The following DELE1 variants were observed in gnomAD, a reference collection of about 807,000 sequenced individuals.
DELE1 encodes the protein DAP3 binding cell death enhancer 1, also known as death ligand signal enhancer.
DELE1 carries 54 observed loss-of-function variants against 59.3 expected under a neutral mutation model. That is an observed-to-expected ratio of 0.91 (90% confidence interval 0.73 to 1.14). The LOEUF (loss-of-function observed/expected upper bound fraction) is 1.14. DELE1 is among the 50% of genes most tolerant of loss of function. The probability of loss-of-function intolerance (pLI) is 0.00; values close to 1 mark genes in which losing one functional copy is unlikely to be tolerated. For missense variants in DELE1, 636 were observed against 643.9 expected, an observed-to-expected ratio of 0.99 and a Z score of 0.13; for synonymous variants, 264 against 259.1, an observed-to-expected ratio of 1.02 and a Z score of -0.18.
At chr5:141,928,607 T>A (rs1385430652) in intron 4 of DELE1, among the ~76,000 whole-genome samples, 1 of 152,218 alleles carries the variant, frequency 6.6e-6, no homozygotes, top group Non-Finnish European at 1.5e-5. Context: ...GGTCAGTCAC[T>A]CAGTCATTCA....
At position 141,934,289 on chromosome 5, in the gene DELE1, A is replaced by T. The variant is rs533005377; in HGVS notation, c.947A>T (p.Gln316Leu). 10 of 1,614,044 alleles carry T rather than the reference A, an allele frequency of 6.2e-6. No individual in the cohort carries two copies. In the African/African-American group the frequency reaches 1.3e-4, roughly 21 times the overall value. Residue 316 changes from glutamine to leucine, a missense_variant, in exon 9 of 12, where the codon CAG becomes CTG. Physicochemically the swap from Gln to Leu is moderately radical, Grantham distance 113. Transcript: ENST00000432126. ...GCCAGCCAGGGCCACAGCCTGGCTCAGTACCGCTATGCCAGGTGCCTACTA... is the reference window on the plus strand; with the variant it reads ...GCCAGCCAGGGCCACAGCCTGGCTCTGTACCGCTATGCCAGGTGCCTACTA... ...LAASQGHSLAQYRYARCLLRD... is the reference protein window; with the variant it reads ...LAASQGHSLALYRYARCLLRD...
chr5:141,934,601 T>C lies in DELE1; in HGVS notation c.1149+15T>C. On this transcript the variant is annotated intron_variant, in intron 10 of 11. Transcript: ENST00000432126. ...CCAACAATGGGGTATGCGATCTCAG[T>C]GGACAAGCATGTTGGGGATGAAGCC... is the stretch of plus-strand genomic sequence containing the variant. 6.2e-7 allele frequency: 1 copy of C among 1,609,584 alleles called. No homozygotes were observed. Among genetic ancestry groups the C allele is most frequent in the South Asian group, 1.1e-5 (1 of 91,010 alleles).
At chr5:141,927,440 T>A (rs1454961452) in intron 3 of DELE1, among the ~76,000 whole-genome samples, 1 of 152,224 alleles carries the variant, frequency 6.6e-6, no homozygotes, top group African/African-American at 2.4e-5. Context: ...GTGATCCACC[T>A]GCCTCAGCCT....
Position 141,934,221 on chromosome 5 carries a change from G to T in DELE1, c.898-19G>T, listed in dbSNP as rs1251795058. On this transcript the variant is annotated intron_variant, in intron 8 of 11. Coordinates refer to ENST00000432126, the MANE Select transcript of DELE1 (RefSeq NM_014773.5). ...TTACAGAGTTGCCAGCCGACTGGGT[G>T]TTTCTCCCTTTGCCCCAGGCGGTCC... The T allele has an allele frequency of 6.3e-7, 1 of 1,585,758 alleles. No homozygotes were observed. Among genetic ancestry groups the T allele is most frequent in the Non-Finnish European group, 8.6e-7 (1 of 1,161,268 alleles).
intron 7 of DELE1, among the ~76,000 whole-genome samples, chr5:141,930,545 G>C (rs151142484): frequency 6.6e-6 from 1 of 152,328 alleles, no homozygotes; most frequent in East Asian, 1.9e-4. Context: ...GCAAGGTAGG[G>C]AAGCTAAAGG....
At chr5:141,924,476 TA>T in intron 1 of DELE1, 104 bp from the exon 2 acceptor site, 1 of 730,256 alleles carries the variant, frequency 1.4e-6, no homozygotes, top group Non-Finnish European at 2.5e-6. Context: ...CTGTAGTAGA[TA>T]AAAGATTCCC....
chr5:141,932,545 T>C (rs978902943), intron 7 of DELE1, among the ~76,000 whole-genome samples: 1 of 152,326 alleles, frequency 6.6e-6, no homozygotes, highest in Non-Finnish European at 1.5e-5. Context: ...GCTGATAGTA[T>C]CTTCAGAGTG....
At position 141,941,881 on chromosome 5, in the gene DELE1, A is replaced by AC; in HGVS notation, c.*3123dup. 1 of 985,328 alleles carries AC rather than the reference A, an allele frequency of 1.0e-6. No homozygotes were observed. The highest frequency in any genetic ancestry group is 1.2e-6 in the Non-Finnish European group (1 of 829,878). 61.0% of individuals were successfully genotyped at this position (985,328 alleles called of 1,614,324 possible). A position where few individuals can be genotyped will look rare whatever the true frequency, so the allele number is the denominator to read the frequency against. ...CAAGCCTACCCAGCACATAGTAGGT[A>AC]CTTTAAGTAATTTGAATGAATAATT... On this transcript the variant is annotated 3_prime_UTR_variant, in exon 12 of 12. Coordinates refer to ENST00000432126, the MANE Select transcript of DELE1 (RefSeq NM_014773.5).
Position 141,929,732 on chromosome 5 carries a change from C to A in DELE1, c.563C>A (p.Ser188Tyr), listed in dbSNP as rs1392687313. The change falls in exon 5 of 12, where the codon TCT (serine) becomes TAT (tyrosine). Residue 188 changes from serine (S) to tyrosine (Y), a missense_variant. Coordinates refer to ENST00000432126, the MANE Select transcript of DELE1 (RefSeq NM_014773.5). ...AGAGGAGCTCGTCCTCAGGACCCCT[C>A]TGAGGAAGGTATGTCCCTGCCTCAT... ...SLRGARPQDP[S>Y]EEGPGDFGFL... 1 of 1,614,182 alleles carries A rather than the reference C, an allele frequency of 6.2e-7. No homozygotes were observed. The highest frequency in any genetic ancestry group is 1.1e-5 in the South Asian group (1 of 91,084).
At chr5:141,933,720 G>T in intron 8 of DELE1, 1 of 168,238 alleles carries the variant, frequency 5.9e-6, no homozygotes, top group East Asian at 1.6e-4. Context: ...ATTTCGTAGA[G>T]TTGTATGTGA....
At position 141,938,385 on chromosome 5, in the gene DELE1, C is replaced by T. The variant is rs1288086581; in HGVS notation, c.1310-136C>T. The T allele has an allele frequency of 9.6e-6, 13 of 1,348,432 alleles. No homozygotes were observed. The East Asian group carries it at 2.8e-4, about 29-fold the overall frequency. The allele number at this position is 1,348,432 out of a possible 1,614,324, so 83.5% of individuals were successfully genotyped here. A position where few individuals can be genotyped will look rare whatever the true frequency, so the allele number is the denominator to read the frequency against. ...ATTACCCTTCTAGGGCTCTAAGAGC[C>T]CTGCTCACTCATGAGTCACTGGGGT... On this transcript the variant is annotated intron_variant, in intron 11 of 11. Coordinates refer to ENST00000432126, the MANE Select transcript of DELE1 (RefSeq NM_014773.5).
intron 10 of DELE1, chr5:141,934,881 G>A (rs1045542882): frequency 4.1e-5 from 17 of 413,694 alleles, no homozygotes; most frequent in South Asian, 1.5e-4. Context: ...TTCCCTCCTC[G>A]AGAGCCAGTT....
Position 141,934,415 on chromosome 5 carries a change from G to A in DELE1, c.1056+17G>A, listed in dbSNP as rs186998921. 1.2e-6 allele frequency: 2 copies of A among 1,614,218 alleles called. No individual in the cohort carries two copies. The highest frequency in any genetic ancestry group is 1.7e-6 in the Non-Finnish European group (2 of 1,180,022). ...TTGAGAGAGGTGAGTGCCATTGGCA[G>A]GGTCTGTTCAAGGTCTCTGAGGCCT... is the stretch of plus-strand genomic sequence containing the variant. On this transcript the variant is annotated intron_variant, in intron 9 of 11. Coordinates refer to ENST00000432126, the MANE Select transcript of DELE1 (RefSeq NM_014773.5).
rs748020833 is a variant in DELE1, at chr5:141,937,338, C to G, written c.1290C>G (p.Leu430=). Residue 430 remains leucine, a synonymous_variant, in exon 11 of 12, where the codon CTC becomes CTG. Coordinates refer to ENST00000432126, the MANE Select transcript of DELE1 (RefSeq NM_014773.5). ...NEAAQERLRA[L]FSMGAAAPGP... ...CCGCCCAGGAGAGGCTGCGAGCCCTCTTTTCCATGGGGGCTGCAGGTACAG... is the reference window on the plus strand; with the variant it reads ...CCGCCCAGGAGAGGCTGCGAGCCCTGTTTTCCATGGGGGCTGCAGGTACAG... 2 of 1,614,130 alleles carry G rather than the reference C, an allele frequency of 1.2e-6. No individual in the cohort carries two copies. Among genetic ancestry groups the G allele is most frequent in the South Asian group, 1.1e-5 (1 of 91,086 alleles).
Position 141,923,935 on chromosome 5 carries a change from C to T in DELE1, c.-7C>T. 6.2e-7 allele frequency: 1 copy of T among 1,606,220 alleles called. No individual in the cohort carries two copies. Among genetic ancestry groups the T allele is most frequent in the Non-Finnish European group, 8.5e-7 (1 of 1,176,708 alleles). ...GGCTGCGAGCTCTCTGTGGTGCTGG[C>T]AGCGACATGTGGCGCCTCCCGGGAC... On this transcript the variant is annotated 5_prime_UTR_variant, in exon 1 of 12. Transcript: ENST00000432126.
intron 3 of DELE1, among the ~76,000 whole-genome samples, chr5:141,925,849 C>A (rs1161725533): frequency 1.3e-5 from 2 of 151,574 alleles, no homozygotes; most frequent in African/African-American, 2.4e-5. Flanking sequence ...TACATTGCAT[C>A]TTTTTTTTAT....
rs1004170132 is a variant in DELE1, at chr5:141,941,464, C to G, written c.*2705C>G. ...CAGTCACTGCGGTCTTGATCCAGCC[C>G]CAGGGGGATGGGCTTCACTGGCAGA... On this transcript the variant is annotated 3_prime_UTR_variant, in exon 12 of 12. Coordinates refer to ENST00000432126, the MANE Select transcript of DELE1 (RefSeq NM_014773.5). 1.0e-6 allele frequency: 1 copy of G among 985,336 alleles called. No individual in the cohort carries two copies. Among genetic ancestry groups the G allele is most frequent in the African/African-American group, 1.7e-5 (1 of 57,212 alleles). 61.0% of individuals were successfully genotyped at this position (985,336 alleles called of 1,614,324 possible).
chr5:141,924,078 C>T, intron 1 of DELE1, 106 bp downstream of exon 1: 1 of 1,429,142 alleles, frequency 7.0e-7, no homozygotes, highest in Non-Finnish European at 9.7e-7. Context: ...CGGGTTAGAG[C>T]CAAGGAAGGC....
In DELE1 at chr5:141,930,289, C is replaced by G. The variant is rs1313789844; in HGVS notation, c.754+15C>G. On this transcript the variant is annotated intron_variant, in intron 7 of 11. Coordinates refer to ENST00000432126, the MANE Select transcript of DELE1 (RefSeq NM_014773.5). Reference sequence around the variant, plus strand: ...CAACTTCCTGGGTAACCAAATGGACCCTGCCCCAAGGCAGGAGGGTGGGAA... The same window carrying G: ...CAACTTCCTGGGTAACCAAATGGACGCTGCCCCAAGGCAGGAGGGTGGGAA... 3.2e-6 allele frequency: 5 copies of G among 1,587,208 alleles called. No individual in the cohort carries two copies. The highest frequency in any genetic ancestry group is 1.7e-5 in the Admixed American group (1 of 59,838).
Sources: gnomAD v4.1 joint callset for allele counts (sites outside exome capture counted in the v4.1 genomes callset) on GRCh38, gnomAD v4.1.1 for gene constraint, MANE v1.5 for transcripts, NCBI Gene and HGNC (gene_info 2026-07-23, HGNC 2026-07-21) for gene names.